HECTD4: variants seen among roughly 807,000 people sequenced by gnomAD.
HECTD4 encodes probable E3 ubiquitin-protein ligase HECTD4.
In HECTD4, 114 loss-of-function variants were observed where a neutral mutation model predicts 471.5. The observed-to-expected ratio is 0.24, with a 90% CI of 0.21 to 0.28. The LOEUF (loss-of-function observed/expected upper bound fraction) is 0.28, where lower values mean the gene tolerates loss of function less well. Ranked by LOEUF, HECTD4 falls within the 10% of genes least tolerant of loss-of-function variation. The pLI is 1.00. For synonymous variants in HECTD4, 2,012 were observed against 2,256.0 expected (o/e 0.89, Z 3.07); for missense variants, 3,866 against 5,651.5 (o/e 0.68, Z 10.13).
chr12:112,231,704 G>C lies in HECTD4; in HGVS notation c.6009C>G (p.Cys2003Trp). ...CTGCAGCCTCTTCTGTAATCACTTC[G>C]CAACAGCCACCCTGGGGTGAGGTTG... ...MDRDMTKGGC[C>W]EVITEEAAAA... Residue 2003 changes from cysteine to tryptophan, a missense_variant, in exon 39 of 76, where the codon TGC (cysteine) becomes TGG (tryptophan). Around this residue, in one of 16 missense-constraint regions of HECTD4, gnomAD observed 617 missense variants for 915.1 expected, o/e 0.67. Coordinates refer to ENST00000682272, the MANE Select transcript of HECTD4 (RefSeq NM_001388303.1). 1 of 1,611,120 alleles carries C rather than the reference G, an allele frequency of 6.2e-7. No individual in the cohort carries two copies. Among genetic ancestry groups the C allele is most frequent in the Non-Finnish European group, 8.5e-7 (1 of 1,179,506 alleles).
At chr12:112,314,106 T>G (rs1270126690) in intron 3 of HECTD4, among the ~76,000 whole-genome samples, 1 of 152,098 alleles carries the variant, frequency 6.6e-6, no homozygotes, top group African/African-American at 2.4e-5. Flanking sequence ...TGGTGTGATC[T>G]CGACTTACTG....
intron 1 of HECTD4, among the ~76,000 whole-genome samples, chr12:112,375,975 C>A (rs1594086650): frequency 6.6e-6 from 1 of 151,200 alleles, no homozygotes; most frequent in Admixed American, 6.6e-5. Flanking sequence ...ACTTGGCAGG[C>A]TGAGGCAGGA....
At chr12:112,263,101 A>G (rs2034186507) in intron 17 of HECTD4, among the ~76,000 whole-genome samples, 1 of 152,202 alleles carries the variant, frequency 6.6e-6, no homozygotes, top group South Asian at 2.1e-4. Flanking sequence ...CTTTACAAAG[A>G]AGATGTTATT....
intron 32 of HECTD4, 21 bp from the exon 33 acceptor site, chr12:112,240,048 C>T (rs2135576504): frequency 6.2e-7 from 1 of 1,612,454 alleles, no homozygotes; most frequent in Non-Finnish European, 8.5e-7. Context: ...GAAACCAAAG[C>T]TCAGGCTTCC....
rs1162327147 is a variant in HECTD4, at chr12:112,163,371, C to T, written c.12898-107G>A. ...GGCCCAATCCTGGGGCAGGGTGCAA[C>T]GTGTGGGCTGTGAGCACAGGGAGAT... On this transcript the variant is annotated intron_variant, in intron 74 of 75. Transcript: ENST00000682272. The surrounding 1 kb of genome is among the most constrained non-coding windows in gnomAD (Gnocchi z 8.2). 10 of 1,147,582 alleles carry T rather than the reference C, an allele frequency of 8.7e-6. No individual in the cohort carries two copies. The East Asian group carries it at 1.0e-4, about 12-fold the overall frequency. The allele number at this position is 1,147,582 out of a possible 1,614,324, so 71.1% of individuals were successfully genotyped here.
chr12:112,173,673 C>T lies in HECTD4; in HGVS notation c.11595-812G>A, dbSNP rs1156626575. Among the ~76,000 whole-genome samples the T allele has an allele frequency of 6.6e-6, 1 of 151,954 alleles. No homozygotes were observed. Among genetic ancestry groups the T allele is most frequent in the Non-Finnish European group, 1.5e-5 (1 of 68,000 alleles). On this transcript the variant is annotated intron_variant, in intron 66 of 75. Transcript: ENST00000682272. This position sits in a 1 kb window ranked among gnomAD's most constrained non-coding sequence, Gnocchi z 4.3. ...CCTCCCAAAGTGCTGCGATTACAGG[C>T]GTGAGCCAATGCGCCCGGCCAATTT... is the stretch of plus-strand genomic sequence containing the variant.
At chr12:112,181,102 A>G (rs1339202800) in intron 62 of HECTD4, among the ~76,000 whole-genome samples, 1 of 150,942 alleles carries the variant, frequency 6.6e-6, no homozygotes, top group Non-Finnish European at 1.5e-5. Context: ...CGGGAGGTGG[A>G]GGTTGCAGTG....
chr12:112,246,824 CTG>C, intron 29 of HECTD4, 75 bp downstream of exon 29: 1 of 1,297,366 alleles, frequency 7.7e-7, no homozygotes, highest in Non-Finnish European at 1.0e-6. Context: ...CAAAATATAG[CTG>C]TGTGTCTTAT....
rs1052403762 is a variant in HECTD4 at position 112,162,978 on chromosome 12, C to A, written c.13120+64G>T. The stretch of plus-strand genomic sequence containing the variant: ...TCCCTTCACATGGGGCCTGGCAGCC[C>A]CAGTTCCAAACAGAGAAAGGCTAGT... On this transcript the variant is annotated intron_variant, in intron 75 of 75. Transcript: ENST00000682272. This position sits in a 1 kb window ranked among gnomAD's most constrained non-coding sequence, Gnocchi z 5.2. The A allele has an allele frequency of 3.8e-6, 5 of 1,302,720 alleles. No homozygotes were observed. The East Asian group carries it at 7.0e-5, about 18-fold the overall frequency. 80.7% of individuals were successfully genotyped at this position (1,302,720 alleles called of 1,614,324 possible).
intron 69 of HECTD4, chr12:112,170,128 G>T: frequency 1.5e-6 from 1 of 680,684 alleles, no homozygotes; most frequent in Non-Finnish European, 2.4e-6. Context: ...GTGGGCCCCC[G>T]GGAGCCAAGC....
chr12:112,355,152 G>A (rs976718090), intron 1 of HECTD4, among the ~76,000 whole-genome samples: 3 of 151,452 alleles, frequency 2.0e-5, no homozygotes, highest in African/African-American at 7.3e-5. Context: ...GCTAATTTTT[G>A]TGTTTTTTAG....
At chr12:112,265,771 C>T (rs940732612) in intron 15 of HECTD4, 107 bp downstream of exon 15, 23 of 764,218 alleles carry the variant, frequency 3.0e-5, no homozygotes, top group African/African-American at 2.1e-4. Context: ...AACATGCTAA[C>T]GATCGTATTA....
At chr12:112,280,981 G>C (rs1197339871) in intron 8 of HECTD4, among the ~76,000 whole-genome samples, 1 of 151,770 alleles carries the variant, frequency 6.6e-6, no homozygotes, top group Non-Finnish European at 1.5e-5. Flanking sequence ...AGTAGAGATG[G>C]GGTTTCACCA....
intron 48 of HECTD4, among the ~76,000 whole-genome samples, chr12:112,215,520 AAAG>A (rs1462814457): frequency 2.6e-5 from 4 of 152,236 alleles, no homozygotes; most frequent in East Asian, 1.9e-4. Flanking sequence ...TGGAGACTAA[AAAG>A]AAGGAGGAAA....
intron 39 of HECTD4, chr12:112,231,198 G>A (rs2033369150): frequency 2.2e-6 from 1 of 464,386 alleles, no homozygotes; most frequent in Non-Finnish European, 3.9e-6. Context: ...TGGGGCAGTG[G>A]AGATGTACCA....
chr12:112,324,190 C>T (rs2035695205), intron 1 of HECTD4, among the ~76,000 whole-genome samples: 1 of 149,002 alleles, frequency 6.7e-6, no homozygotes, highest in South Asian at 2.1e-4. Flanking sequence ...TCTTAGCTCA[C>T]TGGAGCCTCA....
chr12:112,182,691 C>T (rs973064512), intron 62 of HECTD4, among the ~76,000 whole-genome samples: 10 of 152,270 alleles, frequency 6.6e-5, no homozygotes, highest in East Asian at 1.9e-4. Flanking sequence ...CTGTTGCAGG[C>T]GGCGCAAAGC....
rs2033681369 is a variant in HECTD4 at position 112,243,216 on chromosome 12, A to T, written c.4958+137T>A. 2.5e-6 allele frequency: 2 copies of T among 793,990 alleles called. No individual in the cohort carries two copies. Among genetic ancestry groups the T allele is most frequent in the East Asian group, 5.4e-5 (2 of 37,044 alleles). The allele number at this position is 793,990 out of a possible 1,614,324, so 49.2% of individuals were successfully genotyped here. A position where few individuals can be genotyped will look rare whatever the true frequency, so the allele number is the denominator to read the frequency against. On this transcript the variant is annotated intron_variant, in intron 32 of 75. Coordinates refer to ENST00000682272, the MANE Select transcript of HECTD4 (RefSeq NM_001388303.1). The surrounding 1 kb of genome is among the most constrained non-coding windows in gnomAD (Gnocchi z 6.6). ...AATATGTTGAGTTTTTTGCAAGATCATGTACCACTTTTATATAAATATTTT... is the reference window on the plus strand; with the variant it reads ...AATATGTTGAGTTTTTTGCAAGATCTTGTACCACTTTTATATAAATATTTT...
chr12:112,284,444 G>A (rs2034707596), intron 7 of HECTD4, among the ~76,000 whole-genome samples: 1 of 152,198 alleles, frequency 6.6e-6, no homozygotes, highest in South Asian at 2.1e-4. Flanking sequence ...CAAAAGAGGA[G>A]TCCACAGGGA....
Sources: allele counts gnomAD v4.1 joint callset (sites outside exome capture counted in the v4.1 genomes callset), GRCh38; gene constraint gnomAD v4.1.1; regional missense constraint gnomAD v4.1.1; non-coding constraint Gnocchi (gnomAD v3.1); transcripts MANE v1.5; gene names NCBI Gene and HGNC (gene_info 2026-07-23, HGNC 2026-07-21).